Variants in FHIT observed in about 807,000 individuals in gnomAD.
FHIT encodes the protein bis(5'-adenosyl)-triphosphatase.
In FHIT, 19 loss-of-function variants were observed where a neutral mutation model predicts 17.9. That is an observed-to-expected ratio of 1.06 (90% CI 0.74 to 1.56). The LOEUF (loss-of-function observed/expected upper bound fraction) is 1.56, where lower values mean the gene tolerates loss of function less well. Ranked by LOEUF, FHIT falls within the 40% of genes most tolerant of loss-of-function variation. The pLI is 0.00. For synonymous variants in FHIT, 81 were observed against 69.7 expected (o/e 1.16, Z -0.81); for missense variants, 248 against 189.2 (o/e 1.31, Z -1.82).
intron 2 of FHIT, among the ~76,000 whole-genome samples, chr3:61,065,036 G>C (rs1004693575): frequency 2.0e-5 from 3 of 151,974 alleles, no homozygotes; most frequent in Non-Finnish European, 4.4e-5. Flanking sequence ...GAGTGTCCTG[G>C]GGCATAATTC....
At chr3:60,630,588 A>C (rs1392864611) in intron 4 of FHIT, among the ~76,000 whole-genome samples, 5 of 152,160 alleles carry the variant, frequency 3.3e-5, no homozygotes, top group African/African-American at 1.2e-4. Context: ...GATGCAAGAG[A>C]CACTTAACCC....
chr3:59,789,017 A>G (rs955657074), intron 8 of FHIT, among the ~76,000 whole-genome samples: 1 of 152,030 alleles, frequency 6.6e-6, no homozygotes, highest in Non-Finnish European at 1.5e-5. Context: ...AAGAATAGTG[A>G]TATCGCACTG....
intron 4 of FHIT, among the ~76,000 whole-genome samples, chr3:60,628,245 A>G (rs1342643110): frequency 1.3e-5 from 2 of 152,118 alleles, no homozygotes; most frequent in African/African-American, 4.8e-5. Flanking sequence ...AGTTCTGTGT[A>G]TTTGCAAGTT....
intron 4 of FHIT, among the ~76,000 whole-genome samples, chr3:60,545,480 C>A (rs1188594085): frequency 6.6e-6 from 1 of 152,042 alleles, no homozygotes; most frequent in East Asian, 1.9e-4. Flanking sequence ...TAGTGTTTTT[C>A]TCTTGGGTAA....
At chr3:59,983,053 C>G (rs1708725596) in intron 7 of FHIT, among the ~76,000 whole-genome samples, 1 of 151,986 alleles carries the variant, frequency 6.6e-6, no homozygotes, top group South Asian at 2.1e-4. Flanking sequence ...ATCCTCCCAC[C>G]TCAGTCTTCC....
intron 2 of FHIT, among the ~76,000 whole-genome samples, chr3:61,162,617 T>C (rs1345852048): frequency 1.3e-5 from 2 of 152,254 alleles, no homozygotes; most frequent in African/African-American, 2.4e-5. Context: ...TGTGCTTCAG[T>C]ATAAAACTTT....
intron 3 of FHIT, among the ~76,000 whole-genome samples, chr3:60,847,611 A>C (rs1006925871): frequency 5.9e-5 from 9 of 152,150 alleles, no homozygotes; most frequent in Non-Finnish European, 1.0e-4. Context: ...CTTATCTTGG[A>C]AAATACACCC....
intron 4 of FHIT, among the ~76,000 whole-genome samples, chr3:60,753,353 C>G (rs1329597203): frequency 1.3e-5 from 2 of 152,114 alleles, no homozygotes; most frequent in African/African-American, 4.8e-5. Context: ...ATGTGCAGCC[C>G]TCTGGCGGGT....
intron 3 of FHIT, among the ~76,000 whole-genome samples, chr3:60,940,542 C>T (rs1416263705): frequency 1.3e-5 from 2 of 152,056 alleles, no homozygotes; most frequent in Non-Finnish European, 2.9e-5. Flanking sequence ...ATCCAATATA[C>T]AAGTTATGTA....
chr3:61,183,881 T>A (rs534187726), intron 2 of FHIT, among the ~76,000 whole-genome samples: 1 of 150,102 alleles, frequency 6.7e-6, no homozygotes, highest in South Asian at 2.1e-4. Context: ...GGGCAAAGCA[T>A]CATGGGCAAC....
At chr3:59,932,492 C>G (rs1706022393) in intron 7 of FHIT, among the ~76,000 whole-genome samples, 1 of 152,104 alleles carries the variant, frequency 6.6e-6, no homozygotes, top group African/African-American at 2.4e-5. Context: ...GGCTTCTCAT[C>G]CAGACTAGGA....
At chr3:59,965,837 T>C (rs976332762) in intron 7 of FHIT, among the ~76,000 whole-genome samples, 1 of 152,184 alleles carries the variant, frequency 6.6e-6, no homozygotes, top group African/African-American at 2.4e-5. Flanking sequence ...ACAGAGAAAG[T>C]TGAACTCAAC....
chr3:60,573,417 G>C (rs1309350268), intron 4 of FHIT, among the ~76,000 whole-genome samples: 1 of 152,074 alleles, frequency 6.6e-6, no homozygotes, highest in African/African-American at 2.4e-5. Context: ...TTCTCCTCTT[G>C]GATCTCCAAA....
intron 4 of FHIT, among the ~76,000 whole-genome samples, chr3:60,661,686 C>A (rs988063392): frequency 6.6e-6 from 1 of 152,108 alleles, no homozygotes; most frequent in Non-Finnish European, 1.5e-5. Context: ...TAAAAGTGTT[C>A]CTTTTCACCA....
chr3:60,948,932 A>T (rs1335461451), intron 3 of FHIT, among the ~76,000 whole-genome samples: 2 of 152,108 alleles, frequency 1.3e-5, no homozygotes, highest in Non-Finnish European at 2.9e-5. Flanking sequence ...CATCGCCCTC[A>T]ATTTGTCTGG....
intron 4 of FHIT, among the ~76,000 whole-genome samples, chr3:60,820,987 G>GT (rs1701908505): frequency 4.8e-5 from 4 of 83,718 alleles, no homozygotes; most frequent in East Asian, 7.0e-4. Flanking sequence ...ATTATTATGG[G>GT]GTTTTTTTGG....
At chr3:61,064,527 G>C (rs1252968852) in intron 2 of FHIT, among the ~76,000 whole-genome samples, 2 of 152,078 alleles carry the variant, frequency 1.3e-5, no homozygotes, top group African/African-American at 2.4e-5. Flanking sequence ...TGGGTGTTCT[G>C]TTACTTCATA....
intron 5 of FHIT, among the ~76,000 whole-genome samples, chr3:60,394,594 A>G (rs1183056691): frequency 6.6e-6 from 1 of 152,148 alleles, no homozygotes; most frequent in Non-Finnish European, 1.5e-5. Flanking sequence ...GAGTATATGC[A>G]CCATGGTCTT....
intron 5 of FHIT, among the ~76,000 whole-genome samples, chr3:60,435,524 G>T (rs2030143019): frequency 6.6e-6 from 1 of 151,978 alleles, no homozygotes; most frequent in Non-Finnish European, 1.5e-5. Flanking sequence ...TGGTTACATT[G>T]GCGAGGAAGC....
Sources: gnomAD v4.1 joint callset for allele counts (sites outside exome capture counted in the v4.1 genomes callset) on GRCh38, gnomAD v4.1.1 for gene constraint, MANE v1.5 for transcripts, NCBI Gene and HGNC (gene_info 2026-07-23, HGNC 2026-07-21) for gene names.